Variants in STARD7 observed in about 807,000 individuals in gnomAD.
STARD7 encodes StAR related lipid transfer domain containing 7.
In STARD7, 30 loss-of-function variants were observed where a neutral mutation model predicts 45.3. The ratio of observed to expected loss-of-function variants is 0.66; its 90% CI spans 0.50 to 0.90. The LOEUF (loss-of-function observed/expected upper bound fraction) is 0.90. Among genes scored for constraint, STARD7 ranks in the 40% least tolerant of loss-of-function variants. The probability of loss-of-function intolerance (pLI) is 0.00; values close to 1 mark genes in which losing one functional copy is unlikely to be tolerated. For synonymous variants in STARD7, 199 were observed against 183.0 expected (o/e 1.09, Z -0.70); for missense variants, 495 against 491.3 (o/e 1.01, Z -0.07).
rs547462460 is a variant in STARD7, at chr2:96,197,081, T to C, written c.291-1532A>G. Among the ~76,000 whole-genome samples, 521 of 119,674 alleles carry C rather than the reference T, an allele frequency of 4.4e-3. 12 individuals carry two copies. Among genetic ancestry groups the C allele is most frequent in the Non-Finnish European group, 6.5e-3 (363 of 56,140 alleles). 78.5% of individuals were successfully genotyped at this position (119,674 alleles called of 152,430 possible). ...AACTCCGTCTCAAAATAAAATAAAA[T>C]AAAATAAAATAAAATAAAATAAAAT... is the stretch of plus-strand genomic sequence containing the variant. On this transcript the variant is annotated intron_variant, in intron 1 of 7. Coordinates refer to ENST00000337288, the MANE Select transcript of STARD7 (RefSeq NM_020151.4).
In STARD7 at chr2:96,206,926, G is replaced by A. The variant is rs1376471003; in HGVS notation, c.290+1219C>T. Among the ~76,000 whole-genome samples, 3 of 151,486 alleles carry A rather than the reference G, an allele frequency of 2.0e-5. No individual in the cohort carries two copies. The East Asian group carries it at 5.8e-4, about 29-fold the overall frequency. ...CTATTCTTTTATTTCCCACACCCAAGAGACTGTGATTATAACCAATGGCCA... is the reference window on the plus strand; with the variant it reads ...CTATTCTTTTATTTCCCACACCCAAAAGACTGTGATTATAACCAATGGCCA... On this transcript the variant is annotated intron_variant, in intron 1 of 7. Transcript: ENST00000337288.
At chr2:96,204,087 C>T (rs974925201) in intron 1 of STARD7, among the ~76,000 whole-genome samples, 9 of 152,180 alleles carry the variant, frequency 5.9e-5, no homozygotes, top group African/African-American at 2.4e-5. Context: ...GGTGAATCCC[C>T]GTCTCCACTA....
At chr2:96,204,320 C>T (rs936222827) in intron 1 of STARD7, among the ~76,000 whole-genome samples, 1 of 150,492 alleles carries the variant, frequency 6.6e-6, no homozygotes, top group African/African-American at 2.5e-5. Context: ...TTTGGGAGGC[C>T]GAGACAGGCG....
At chr2:96,201,409 T>TAAAAAAAA (rs60808208) in intron 1 of STARD7, among the ~76,000 whole-genome samples, 22 of 109,618 alleles carry the variant, frequency 2.0e-4, no homozygotes, top group African/African-American at 6.8e-4. Flanking sequence ...ACTCCACCTC[T>TAAAAAAAA]AAAAAAAAAA....
At chr2:96,197,490 G>A (rs1405974299) in intron 1 of STARD7, among the ~76,000 whole-genome samples, 1 of 152,210 alleles carries the variant, frequency 6.6e-6, no homozygotes, top group African/African-American at 2.4e-5. Context: ...AAGGTTTATG[G>A]TTTTAAAATG....
chr2:96,208,339 G>A lies in STARD7; in HGVS notation c.96C>T (p.Gly32=), dbSNP rs752331045. The change falls in exon 1 of 8, where the codon GGC becomes GGT. Residue 32 remains glycine, a synonymous_variant. Coordinates refer to ENST00000337288, the MANE Select transcript of STARD7 (RefSeq NM_020151.4). ...TCTGCTGCGCGCGCCGCACGCGCAG[G>A]CCCGTGACGAAGCGGCACTGATTGG... is the stretch of plus-strand genomic sequence containing the variant. ...LLANQCRFVT[G]LRVRRAQQIA... 2 of 1,600,158 alleles carry A rather than the reference G, an allele frequency of 1.2e-6. No individual in the cohort carries two copies. The highest frequency in any genetic ancestry group is 2.7e-5 in the African/African-American group (2 of 74,648).
intron 1 of STARD7, among the ~76,000 whole-genome samples, chr2:96,201,162 G>GCATGTCCTGGTAAACATTA (rs539436502): frequency 2.0e-5 from 3 of 152,038 alleles, no homozygotes; most frequent in African/African-American, 4.8e-5. Context: ...CCAGCTCCTA[G>GCATGTCCTGGTAAACATTA]CATGTCCTGG....
At chr2:96,207,926 A>C (rs1036822709) in intron 1 of STARD7, among the ~76,000 whole-genome samples, 1 of 152,176 alleles carries the variant, frequency 6.6e-6, no homozygotes, top group East Asian at 1.9e-4. Context: ...TCCCTCCTAC[A>C]CACCAGCCTA....
intron 1 of STARD7, among the ~76,000 whole-genome samples, chr2:96,206,588 C>G (rs901243278): frequency 6.6e-6 from 1 of 151,814 alleles, no homozygotes; most frequent in Non-Finnish European, 1.5e-5. Context: ...ATCACGAGGT[C>G]AGGAGATCGA....
At chr2:96,206,507 A>G (rs1240447023) in intron 1 of STARD7, among the ~76,000 whole-genome samples, 3 of 152,228 alleles carry the variant, frequency 2.0e-5, no homozygotes, top group Admixed American at 2.0e-4. Flanking sequence ...TTTCAACTTA[A>G]AAGTGGAACA....
At chr2:96,189,699 C>A (rs1365406083) in intron 6 of STARD7, among the ~76,000 whole-genome samples, 1 of 144,998 alleles carries the variant, frequency 6.9e-6, no homozygotes, top group Non-Finnish European at 1.5e-5. Flanking sequence ...GAACGAGACT[C>A]CGTCTCCAAA....
intron 6 of STARD7, among the ~76,000 whole-genome samples, chr2:96,191,603 T>G (rs1434919760): frequency 6.6e-6 from 1 of 151,792 alleles, no homozygotes; most frequent in Admixed American, 6.6e-5. Context: ...GCTTGAATCA[T>G]GTCTTCTAAC....
At position 96,193,356 on chromosome 2, in the gene STARD7, C is replaced by T; in HGVS notation, c.550-4G>A. The T allele has an allele frequency of 6.3e-7, 1 of 1,598,326 alleles. No individual in the cohort carries two copies. Among genetic ancestry groups the T allele is most frequent in the Non-Finnish European group, 8.6e-7 (1 of 1,165,708 alleles). The stretch of plus-strand genomic sequence containing the variant: ...TTTTTCTATACTCTGTGTCCAGCTG[C>T]AGAAAGAGAAAAGACCATGAATACC... On this transcript the variant is annotated splice_region_variant and splice_polypyrimidine_tract_variant and intron_variant, in intron 3 of 7. Coordinates refer to ENST00000337288, the MANE Select transcript of STARD7 (RefSeq NM_020151.4).
At chr2:96,201,854 T>C (rs996390119) in intron 1 of STARD7, among the ~76,000 whole-genome samples, 4 of 152,312 alleles carry the variant, frequency 2.6e-5, no homozygotes, top group Admixed American at 6.5e-5. Context: ...AAAGGTATAG[T>C]GTCAATCCAA....
chr2:96,201,426 A>AAAAAAAAAAAAAAAAC (rs1683301971), intron 1 of STARD7, among the ~76,000 whole-genome samples: 1 of 151,520 alleles, frequency 6.6e-6, no homozygotes, highest in Non-Finnish European at 1.5e-5. Flanking sequence ...AAAAAAAAAA[A>AAAAAAAAAAAAAAAAC]ATTACACAAC....
intron 1 of STARD7, among the ~76,000 whole-genome samples, chr2:96,202,473 G>C (rs1411463488): frequency 6.6e-6 from 1 of 152,120 alleles, no homozygotes; most frequent in Admixed American, 6.6e-5. Context: ...TAGAGAAACA[G>C]AGAAGGAACC....
chr2:96,196,132 A>C (rs1415261925), intron 1 of STARD7, among the ~76,000 whole-genome samples: 3 of 151,676 alleles, frequency 2.0e-5, no homozygotes, highest in African/African-American at 7.3e-5. Context: ...AAAAAAAACA[A>C]AAAACAAAAA....
chr2:96,187,527 A>G, intron 6 of STARD7: 1 of 470,350 alleles, frequency 2.1e-6, no homozygotes, highest in South Asian at 2.4e-5. Flanking sequence ...GTCAACAGTT[A>G]GCTGATATGG....
rs1167512614 is a variant in STARD7, at chr2:96,194,480, C to T, written c.549+478G>A. Among the ~76,000 whole-genome samples, 6 of 152,074 alleles carry T rather than the reference C, an allele frequency of 3.9e-5. No individual in the cohort carries two copies. In the East Asian group the frequency reaches 1.2e-3, roughly 29 times the overall value. Reference sequence around the variant, plus strand: ...GAAAATGCTATAAAGGACATTGAGTCAACTGATAAAACTGATAAATACAAA... The same window carrying T: ...GAAAATGCTATAAAGGACATTGAGTTAACTGATAAAACTGATAAATACAAA... On this transcript the variant is annotated intron_variant, in intron 3 of 7. Coordinates refer to ENST00000337288, the MANE Select transcript of STARD7 (RefSeq NM_020151.4).
Sources: gnomAD v4.1 joint callset for allele counts (sites outside exome capture counted in the v4.1 genomes callset) on GRCh38, gnomAD v4.1.1 for gene constraint, MANE v1.5 for transcripts, NCBI Gene and HGNC (gene_info 2026-07-23, HGNC 2026-07-21) for gene names.